The following FAT3 variants were observed in gnomAD, a reference collection of about 807,000 sequenced individuals.
The protein encoded by FAT3 is protocadherin Fat 3.
Under a neutral mutation model 310.2 loss-of-function variants are expected in FAT3, and 95 were observed. The observed-to-expected ratio is 0.31, with a 90% CI of 0.26 to 0.36. The LOEUF (loss-of-function observed/expected upper bound fraction) is 0.36, where lower values mean the gene tolerates loss of function less well. Ranked by LOEUF, FAT3 falls within the 10% of genes least tolerant of loss-of-function variation. FAT3 has a pLI of 1.00. For missense variants in FAT3, 5,408 were observed against 5,715.6 expected (o/e 0.95, Z 1.74); for synonymous variants, 2,314 against 2,192.9 (o/e 1.06, Z -1.54).
intron 2 of FAT3, among the ~76,000 whole-genome samples, chr11:92,476,387 C>T (rs866639383): frequency 5.3e-5 from 8 of 152,138 alleles, no homozygotes; most frequent in African/African-American, 1.7e-4. Context: ...TACAGCAAGT[C>T]AGGTTTGCTT....
intron 1 of FAT3, among the ~76,000 whole-genome samples, chr11:92,324,898 GT>G (rs1947725004): frequency 6.6e-6 from 1 of 152,322 alleles, no homozygotes; most frequent in African/African-American, 2.4e-5. Flanking sequence ...ATTTCTGCAA[GT>G]TGGAACTCTG....
At chr11:92,569,415 A>G (rs1442750549) in intron 3 of FAT3, among the ~76,000 whole-genome samples, 1 of 152,196 alleles carries the variant, frequency 6.6e-6, no homozygotes, top group Non-Finnish European at 1.5e-5. Flanking sequence ...CAGCCAAAGT[A>G]TAAATGACAT....
chr11:92,385,710 T>G (rs907667415), intron 2 of FAT3, among the ~76,000 whole-genome samples: 1 of 152,218 alleles, frequency 6.6e-6, no homozygotes, highest in Non-Finnish European at 1.5e-5. Context: ...CAGCATTTTC[T>G]TATCTGTTTT....
chr11:92,246,596 T>C (rs1864920363), intron 1 of FAT3, among the ~76,000 whole-genome samples: 1 of 151,964 alleles, frequency 6.6e-6, no homozygotes, highest in African/African-American at 2.4e-5. Context: ...TTCCAACTGA[T>C]TAAGTAGGCA....
At chr11:92,474,213 C>G (rs368970835) in intron 2 of FAT3, among the ~76,000 whole-genome samples, 11 of 152,136 alleles carry the variant, frequency 7.2e-5, no homozygotes, top group African/African-American at 2.4e-4. Flanking sequence ...AGCTCCTAGA[C>G]CAGCTAATAA....
intron 2 of FAT3, among the ~76,000 whole-genome samples, chr11:92,429,128 T>A (rs1466563539): frequency 6.6e-6 from 1 of 152,222 alleles, no homozygotes; most frequent in Non-Finnish European, 1.5e-5. Context: ...TTTACCATTA[T>A]GTAGTGCCCT....
At chr11:92,296,008 G>T (rs190565391) in intron 1 of FAT3, among the ~76,000 whole-genome samples, 1 of 152,072 alleles carries the variant, frequency 6.6e-6, no homozygotes, top group Admixed American at 6.6e-5. Context: ...TCTGGTAATT[G>T]TGGAGATAGA....
chr11:92,727,408 AC>A (rs1945032065), intron 4 of FAT3, among the ~76,000 whole-genome samples: 1 of 151,636 alleles, frequency 6.6e-6, no homozygotes, highest in African/African-American at 2.4e-5. Flanking sequence ...AGTAAAAGTG[AC>A]ATAAATAATT....
intron 2 of FAT3, among the ~76,000 whole-genome samples, chr11:92,499,723 A>ATGTGTGTGTGTGTATGTGTG (rs376710960): frequency 7.3e-4 from 93 of 127,824 alleles, no homozygotes; most frequent in African/African-American, 2.4e-3. Flanking sequence ...ATGTGTGTGT[A>ATGTGTGTGTGTGTATGTGTG]TGTGTGTGTG....
intron 1 of FAT3, among the ~76,000 whole-genome samples, chr11:92,270,296 T>A (rs927746775): frequency 6.6e-6 from 1 of 152,106 alleles, no homozygotes; most frequent in Non-Finnish European, 1.5e-5. Context: ...ATATTGAGAA[T>A]GTTTCAGAGC....
intron 2 of FAT3, among the ~76,000 whole-genome samples, chr11:92,387,228 G>T (rs1415131945): frequency 6.6e-6 from 1 of 152,110 alleles, no homozygotes; most frequent in Non-Finnish European, 1.5e-5. Flanking sequence ...CATTTGCAAA[G>T]ATTAGGCAGA....
At chr11:92,437,030 T>C (rs1441552013) in intron 2 of FAT3, among the ~76,000 whole-genome samples, 2 of 152,222 alleles carry the variant, frequency 1.3e-5, no homozygotes, top group Non-Finnish European at 2.9e-5. Context: ...CATCAATTGA[T>C]TGATCCCTGA....
At chr11:92,445,065 AGC>A (rs1197526047) in intron 2 of FAT3, among the ~76,000 whole-genome samples, 1 of 152,206 alleles carries the variant, frequency 6.6e-6, no homozygotes, top group Non-Finnish European at 1.5e-5. Flanking sequence ...GGTAGAAGAT[AGC>A]CAAGAAGAGA....
intron 2 of FAT3, among the ~76,000 whole-genome samples, chr11:92,463,654 T>G (rs1565336414): frequency 6.6e-6 from 1 of 152,168 alleles, no homozygotes. Flanking sequence ...TGGGTCCCAC[T>G]GAGACTCACT....
chr11:92,388,870 G>A (rs774130800), intron 2 of FAT3, among the ~76,000 whole-genome samples: 1 of 152,224 alleles, frequency 6.6e-6, no homozygotes, highest in East Asian at 1.9e-4. Flanking sequence ...CCAGATGGCA[G>A]ACTTGTTGAA....
intron 1 of FAT3, among the ~76,000 whole-genome samples, chr11:92,320,396 G>A (rs1051215384): frequency 6.6e-6 from 1 of 151,220 alleles, no homozygotes; most frequent in African/African-American, 2.5e-5. Flanking sequence ...TAACAGTTTG[G>A]AAATGCTGGC....
At chr11:92,325,039 A>T (rs1947728246) in intron 1 of FAT3, among the ~76,000 whole-genome samples, 1 of 152,206 alleles carries the variant, frequency 6.6e-6, no homozygotes, top group South Asian at 2.1e-4. Flanking sequence ...TGCTAGTTAA[A>T]TTATGTCAAG....
At chr11:92,553,735 C>T (rs1050318602) in intron 3 of FAT3, among the ~76,000 whole-genome samples, 4 of 89,076 alleles carry the variant, frequency 4.5e-5, no homozygotes, top group African/African-American at 1.6e-4. Flanking sequence ...TTCGTTGTTT[C>T]TTTCTTTCTC....
At chr11:92,443,981 A>C (rs1319971630) in intron 2 of FAT3, among the ~76,000 whole-genome samples, 1 of 152,222 alleles carries the variant, frequency 6.6e-6, no homozygotes, top group East Asian at 1.9e-4. Flanking sequence ...GAGGAAACTC[A>C]GTTTCTTGGA....
Sources: allele counts gnomAD v4.1 joint callset (sites outside exome capture counted in the v4.1 genomes callset), GRCh38; gene constraint gnomAD v4.1.1; transcripts MANE v1.5; gene names NCBI Gene and HGNC (gene_info 2026-07-23, HGNC 2026-07-21).